The following PLEKHB2 variants were observed in gnomAD, a reference collection of about 807,000 sequenced individuals.
PLEKHB2 encodes the protein pleckstrin homology domain containing B2, also known as pleckstrin homology domain-containing family B member 2.
Under a neutral mutation model 36.5 loss-of-function variants are expected in PLEKHB2, and 31 were observed. That is an observed-to-expected ratio of 0.85 (90% CI 0.64 to 1.15). The LOEUF (loss-of-function observed/expected upper bound fraction) is 1.15. PLEKHB2 is among the 50% of genes most tolerant of loss of function. The pLI, the probability that PLEKHB2 is intolerant of heterozygous loss-of-function variation, is 0.00. For missense variants in PLEKHB2, 262 were observed against 295.3 expected (o/e 0.89, Z 0.83); for synonymous variants, 119 against 112.0 (o/e 1.06, Z -0.39).
intron 2 of PLEKHB2, among the ~76,000 whole-genome samples, chr2:131,123,005 C>T (rs1696676638): frequency 6.6e-6 from 1 of 152,162 alleles, no homozygotes; most frequent in South Asian, 2.1e-4. Context: ...CCTTTTCCAC[C>T]ACAACTTGAA....
intron 1 of PLEKHB2, among the ~76,000 whole-genome samples, chr2:131,113,598 CTG>C (rs139991379): frequency 0.018 from 2,767 of 152,286 alleles, 46 homozygotes; most frequent in African/African-American, 0.048. Flanking sequence ...GTGAGCTTCT[CTG>C]GAGGGTGTTA....
At chr2:131,106,788 CTG>C (rs1488145678) in intron 1 of PLEKHB2, among the ~76,000 whole-genome samples, 2 of 152,184 alleles carry the variant, frequency 1.3e-5, no homozygotes, top group African/African-American at 2.4e-5. Context: ...AGGAATCAAA[CTG>C]TGTTGCAGGG....
At chr2:131,119,383 T>A (rs1696230555) in intron 1 of PLEKHB2, among the ~76,000 whole-genome samples, 2 of 152,208 alleles carry the variant, frequency 1.3e-5, no homozygotes, top group Admixed American at 6.5e-5. Context: ...GACACATCTT[T>A]CAAAGGTTTT....
At chr2:131,120,669 A>G (rs1436612997) in intron 1 of PLEKHB2, 1 of 527,040 alleles carries the variant, frequency 1.9e-6, no homozygotes, top group Non-Finnish European at 3.5e-6. Context: ...GGGCTGCTTT[A>G]TGTTTGTTGA....
Position 131,140,197 on chromosome 2 carries a change from G to A in PLEKHB2, c.454G>A (p.Ala152Thr), listed in dbSNP as rs777225125. Residue 152 changes from alanine to threonine, a missense_variant, in exon 7 of 8, where the codon GCG (alanine) becomes ACG (threonine). Ala to Thr is a moderately conservative substitution (Grantham distance 58, BLOSUM62 0). Coordinates refer to ENST00000693505, the MANE Select transcript of PLEKHB2 (RefSeq NM_001100623.2). ...TTATGGCTATGGGCCATACGGTGGT[G>A]CGTACCCGCCAGGAACTCAAGTTGT... ...QAYGYGPYGG[A>T]YPPGTQVVYA... 4 of 1,613,458 alleles carry A rather than the reference G, an allele frequency of 2.5e-6. No individual in the cohort carries two copies. The highest frequency in any genetic ancestry group is 3.3e-5 in the Admixed American group (2 of 60,002).
intron 1 of PLEKHB2, among the ~76,000 whole-genome samples, chr2:131,106,545 A>G (rs1415568000): frequency 6.6e-6 from 1 of 152,166 alleles, no homozygotes; most frequent in Non-Finnish European, 1.5e-5. Flanking sequence ...GTGCCCATGC[A>G]GTGGGTGTGT....
chr2:131,143,563 C>T (rs2104980588), intron 7 of PLEKHB2, among the ~76,000 whole-genome samples: 1 of 152,316 alleles, frequency 6.6e-6, no homozygotes, highest in South Asian at 2.1e-4. Context: ...GGTTTACCAA[C>T]TTATAATGCC....
chr2:131,125,778 GA>G lies in PLEKHB2; in HGVS notation c.65del (p.Asn22ThrfsTer11). 1 of 1,611,844 alleles carries G rather than the reference GA, an allele frequency of 6.2e-7. No individual in the cohort carries two copies. Among genetic ancestry groups the G allele is most frequent in the Non-Finnish European group, 8.5e-7 (1 of 1,179,132 alleles). On this transcript the variant is annotated frameshift_variant, in exon 3 of 8. Coordinates refer to ENST00000693505, the MANE Select transcript of PLEKHB2 (RefSeq NM_001100623.2). LOFTEE classifies it high-confidence loss of function. ...QSTILKRWKK[N>X]WFDLWSDGHL... The stretch of plus-strand genomic sequence containing the variant: ...GTACTATTTTGAAGCGCTGGAAGAA[GA>G]ACTGGTTTGATCTGTGGTCGGATGG...
chr2:131,109,161 C>G (rs1256322692), intron 1 of PLEKHB2, among the ~76,000 whole-genome samples: 1 of 152,076 alleles, frequency 6.6e-6, no homozygotes, highest in African/African-American at 2.4e-5. Flanking sequence ...AGTGAAACCT[C>G]GTCTCTACAA....
At chr2:131,127,549 TGAG>T (rs1401397942) in intron 4 of PLEKHB2, among the ~76,000 whole-genome samples, 2 of 152,224 alleles carry the variant, frequency 1.3e-5, no homozygotes, top group Non-Finnish European at 2.9e-5. Context: ...ATCTTTTTCA[TGAG>T]GACACAATTG....
chr2:131,136,549 T>C (rs564134006), intron 6 of PLEKHB2, among the ~76,000 whole-genome samples: 1 of 151,808 alleles, frequency 6.6e-6, no homozygotes, highest in East Asian at 1.9e-4. Flanking sequence ...CCTGCTAATA[T>C]GGTGGATTAT....
chr2:131,135,608 G>GT (rs1408766908), intron 6 of PLEKHB2, among the ~76,000 whole-genome samples: 1 of 151,812 alleles, frequency 6.6e-6, no homozygotes, highest in African/African-American at 2.4e-5. Context: ...GATGTATTCA[G>GT]TGTTTTTTTT....
intron 2 of PLEKHB2, among the ~76,000 whole-genome samples, chr2:131,122,803 G>T (rs1358911853): frequency 6.6e-6 from 1 of 152,208 alleles, no homozygotes; most frequent in African/African-American, 2.4e-5. Context: ...AGACAAAGGT[G>T]TCGTAATGTT....
intron 2 of PLEKHB2, among the ~76,000 whole-genome samples, chr2:131,121,182 C>A (rs748291263): frequency 1.1e-4 from 17 of 152,348 alleles, no homozygotes; most frequent in Non-Finnish European, 2.1e-4. Context: ...TTGACAGGAA[C>A]CAGGAAATGA....
At chr2:131,124,586 T>C (rs1171984225) in intron 2 of PLEKHB2, among the ~76,000 whole-genome samples, 1 of 152,174 alleles carries the variant, frequency 6.6e-6, no homozygotes, top group Non-Finnish European at 1.5e-5. Context: ...TTGAATTTGC[T>C]CAAGCTGACA....
Position 131,149,021 on chromosome 2 carries a change from T to G in PLEKHB2, c.*2248T>G, listed in dbSNP as rs1367697590. The G allele has an allele frequency of 6.6e-6, 1 of 152,206 alleles. No homozygotes were observed. Among genetic ancestry groups the G allele is most frequent in the East Asian group, 1.9e-4 (1 of 5,200 alleles). 9.4% of individuals were successfully genotyped at this position (152,206 alleles called of 1,614,324 possible). A position where few individuals can be genotyped will look rare whatever the true frequency, so the allele number is the denominator to read the frequency against. ...GATGTCCCTGTGCTCCCCTGGCTGC[T>G]TCTGGCTGAAGGGGGGAGGTGTAGA... On this transcript the variant is annotated 3_prime_UTR_variant, in exon 8 of 8. Coordinates refer to ENST00000693505, the MANE Select transcript of PLEKHB2 (RefSeq NM_001100623.2).
intron 2 of PLEKHB2, among the ~76,000 whole-genome samples, chr2:131,125,061 C>T (rs919010406): frequency 1.3e-5 from 2 of 151,968 alleles, no homozygotes; most frequent in Admixed American, 6.6e-5. Context: ...TGGGATTACA[C>T]GCGTGAACCA....
chr2:131,146,880 C>A lies in PLEKHB2; in HGVS notation c.*107C>A. The A allele has an allele frequency of 1.0e-6, 1 of 954,832 alleles. No individual in the cohort carries two copies. Among genetic ancestry groups the A allele is most frequent in the Non-Finnish European group, 1.6e-6 (1 of 641,380 alleles). The allele number at this position is 954,832 out of a possible 1,614,324, so 59.1% of individuals were successfully genotyped here. A position where few individuals can be genotyped will look rare whatever the true frequency, so the allele number is the denominator to read the frequency against. On this transcript the variant is annotated 3_prime_UTR_variant, in exon 8 of 8. Transcript: ENST00000693505. ...AAAAGTTTTTAATAATAGTTTTAAT[C>A]ATTCCTTTGAAAGTAGTGATGTCAT...
chr2:131,128,930 A>ATT (rs1697370065), intron 4 of PLEKHB2, among the ~76,000 whole-genome samples: 1 of 152,222 alleles, frequency 6.6e-6, no homozygotes. Context: ...AAGATATATG[A>ATT]ATAATCCAGT....
Sources: allele counts gnomAD v4.1 joint callset (sites outside exome capture counted in the v4.1 genomes callset), GRCh38; gene constraint gnomAD v4.1.1; transcripts MANE v1.5; gene names NCBI Gene and HGNC (gene_info 2026-07-23, HGNC 2026-07-21).